Variants in CTBP2 observed in about 807,000 individuals in gnomAD.
The protein encoded by CTBP2 is C-terminal binding protein 2.
In CTBP2, 30 loss-of-function variants were observed where a neutral mutation model predicts 80.3. The observed-to-expected ratio is 0.37, with a 90% CI of 0.28 to 0.51. CTBP2 has a LOEUF of 0.51. Among genes scored for constraint, CTBP2 ranks in the 20% least tolerant of loss-of-function variants. The probability of loss-of-function intolerance (pLI) is 0.93; values close to 1 mark genes in which losing one functional copy is unlikely to be tolerated. For missense variants in CTBP2, 1,212 were observed against 1,375.3 expected (o/e 0.88, Z 1.88); for synonymous variants, 594 against 587.4 (o/e 1.01, Z -0.16).
intron 1 of CTBP2, among the ~76,000 whole-genome samples, chr10:125,114,981 A>C (rs1852974132): frequency 6.6e-6 from 1 of 151,978 alleles, no homozygotes; most frequent in Non-Finnish European, 1.5e-5. Flanking sequence ...TCTCGTTAGG[A>C]CTTGAGGCTT....
chr10:125,100,203 T>C (rs898991006), intron 2 of CTBP2, among the ~76,000 whole-genome samples: 3 of 152,224 alleles, frequency 2.0e-5, no homozygotes, highest in African/African-American at 4.8e-5. Context: ...CATGTTTGAA[T>C]TGACAAGTGC....
intron 2 of CTBP2, among the ~76,000 whole-genome samples, chr10:125,059,652 T>C (rs780652260): frequency 5.3e-5 from 8 of 152,210 alleles, no homozygotes; most frequent in Non-Finnish European, 1.2e-4. Flanking sequence ...ATTAGCCTAA[T>C]GTCCACGCTA....
At chr10:124,993,163 AGG>A (rs1416885169) in intron 7 of CTBP2, 37 bp downstream of exon 9, 4 of 1,576,866 alleles carry the variant, frequency 2.5e-6, no homozygotes, top group Non-Finnish European at 3.5e-6. Flanking sequence ...TGTGGAGCTG[AGG>A]CTGCCCTTGG....
Position 125,033,769 on chromosome 10 carries a change from G to T in CTBP2, c.58+5228C>A, listed in dbSNP as rs117413221. Among the ~76,000 whole-genome samples, 1,405 of 152,206 alleles carry T rather than the reference G, an allele frequency of 9.2e-3. 9 individuals carry two copies. The highest frequency in any genetic ancestry group is 0.014 in the Non-Finnish European group (977 of 68,018). ...AACTAGAGATGCTCTTTTCCCAAAGGTGCCGGGACCAAGAGGACAGGCACT... is the reference window on the plus strand; with the variant it reads ...AACTAGAGATGCTCTTTTCCCAAAGTTGCCGGGACCAAGAGGACAGGCACT... On this transcript the variant is annotated intron_variant, in intron 3 of 10. Coordinates refer to the CTBP2 transcript ENST00000337195.
intron 1 of CTBP2, among the ~76,000 whole-genome samples, chr10:125,151,646 C>T (rs987519512): frequency 1.3e-5 from 2 of 152,232 alleles, no homozygotes; most frequent in African/African-American, 2.4e-5. Flanking sequence ...CATGAGTGCC[C>T]GGAGTCCGCG....
chr10:125,051,715 G>A (rs1229880749), intron 2 of CTBP2, among the ~76,000 whole-genome samples: 1 of 151,778 alleles, frequency 6.6e-6, no homozygotes, highest in Non-Finnish European at 1.5e-5. Context: ...CACACTGACT[G>A]TTACAGGTTG....
rs1564798233 is a variant in CTBP2 at position 125,049,044 on chromosome 10, C to CAA, written c.-101-9890_-101-9889insTT. The stretch of plus-strand genomic sequence containing the variant: ...TGGCCTCAATTTGCCCGCCTGACCA[C>CAA]AGACACACACACACACACACACACA... On this transcript the variant is annotated intron_variant, in intron 2 of 10. Transcript: ENST00000337195. Among the ~76,000 whole-genome samples the CAA allele has an allele frequency of 2.3e-4, 16 of 68,874 alleles. No homozygotes were observed. In the South Asian group the frequency reaches 9.6e-3, roughly 41 times the overall value. 45.2% of individuals were successfully genotyped at this position (68,874 alleles called of 152,430 possible). A position where few individuals can be genotyped will look rare whatever the true frequency, so the allele number is the denominator to read the frequency against.
intron 2 of CTBP2, among the ~76,000 whole-genome samples, chr10:125,079,149 GGAA>G (rs1846781361): frequency 1.8e-5 from 1 of 55,576 alleles, no homozygotes; most frequent in Non-Finnish European, 2.9e-5. Context: ...CTTGTCTCGA[GGAA>G]AAAAAAAAAA....
chr10:125,083,231 G>A (rs545530487), intron 2 of CTBP2, among the ~76,000 whole-genome samples: 1 of 152,336 alleles, frequency 6.6e-6, no homozygotes, highest in South Asian at 2.1e-4. Flanking sequence ...GGGCCAGCAC[G>A]CATTCTCAAC....
chr10:124,998,458 T>C (rs1366323444), intron 3 of CTBP2: 1 of 459,646 alleles, frequency 2.2e-6, no homozygotes, highest in African/African-American at 2.0e-5. Flanking sequence ...CTGACTGGCT[T>C]CCTCCTGGGC....
At chr10:125,081,770 TG>T (rs1464159377) in intron 2 of CTBP2, among the ~76,000 whole-genome samples, 2 of 151,962 alleles carry the variant, frequency 1.3e-5, no homozygotes, top group South Asian at 4.1e-4. Flanking sequence ...TTTTGCAATG[TG>T]ATTTCATTAC....
chr10:125,027,869 AG>A lies in CTBP2; in HGVS notation c.-111del. 7.0e-7 allele frequency: 1 copy of A among 1,429,014 alleles called. No homozygotes were observed. Among genetic ancestry groups the A allele is most frequent in the Non-Finnish European group, 9.1e-7 (1 of 1,095,388 alleles). The allele number at this position is 1,429,014 out of a possible 1,614,324, so 88.5% of individuals were successfully genotyped here. On this transcript the variant is annotated 5_prime_UTR_variant, in exon 1 of 9. Transcript: ENST00000309035. The stretch of plus-strand genomic sequence containing the variant: ...TGTGTGCTAACCCTTCCGAGACGGC[AG>A]GGACAACCAACTGGGGGTTTTCTGT...
chr10:125,145,968 C>T (rs543045908), intron 1 of CTBP2, among the ~76,000 whole-genome samples: 2 of 151,688 alleles, frequency 1.3e-5, no homozygotes, highest in Non-Finnish European at 1.5e-5. Context: ...TTGTTGCCCA[C>T]GCTGGAGTGC....
chr10:125,107,128 C>A (rs761759105), intron 2 of CTBP2, among the ~76,000 whole-genome samples: 24 of 152,206 alleles, frequency 1.6e-4, no homozygotes, highest in Non-Finnish European at 2.9e-4. Context: ...AAGCAAGAAC[C>A]AAGAGCTTCA....
chr10:125,103,943 G>C (rs1304638389), intron 2 of CTBP2, among the ~76,000 whole-genome samples: 1 of 152,122 alleles, frequency 6.6e-6, no homozygotes, highest in East Asian at 1.9e-4. Flanking sequence ...ATTTTTCAAG[G>C]AGTTGCAGGT....
chr10:125,071,350 T>TA (rs1371026481), intron 2 of CTBP2, among the ~76,000 whole-genome samples: 3 of 152,106 alleles, frequency 2.0e-5, no homozygotes, highest in African/African-American at 7.2e-5. Context: ...AACCAGGAAA[T>TA]ATTAATAAAA....
intron 2 of CTBP2, among the ~76,000 whole-genome samples, chr10:125,068,046 CCAGA>C (rs1844910539): frequency 6.6e-6 from 1 of 152,200 alleles, no homozygotes; most frequent in South Asian, 2.1e-4. Flanking sequence ...CCCACTACCT[CCAGA>C]CAGTCAGATG....
At chr10:125,011,276 C>T (rs995188151) in intron 1 of CTBP2, among the ~76,000 whole-genome samples, 1 of 152,228 alleles carries the variant, frequency 6.6e-6, no homozygotes, top group Non-Finnish European at 1.5e-5. Context: ...GCCACAGGAA[C>T]ACCCTGATAA....
At chr10:125,068,827 A>G (rs1845026302) in intron 2 of CTBP2, among the ~76,000 whole-genome samples, 1 of 152,200 alleles carries the variant, frequency 6.6e-6, no homozygotes, top group African/African-American at 2.4e-5. Flanking sequence ...ATTCCCTTGC[A>G]ACTTGGAGGT....
Sources: gnomAD v4.1 joint callset for allele counts (sites outside exome capture counted in the v4.1 genomes callset) on GRCh38, gnomAD v4.1.1 for gene constraint, MANE v1.5 for transcripts, NCBI Gene and HGNC (gene_info 2026-07-23, HGNC 2026-07-21) for gene names.